Variants in COQ5 observed in about 807,000 individuals in gnomAD.
COQ5 encodes the protein coenzyme Q5, methyltransferase.
In COQ5, 27 loss-of-function variants were observed where a neutral mutation model predicts 40.5. The observed-to-expected ratio is 0.67, with a 90% CI of 0.49 to 0.92. The LOEUF (loss-of-function observed/expected upper bound fraction) is 0.92. Among genes scored for constraint, COQ5 ranks in the 40% least tolerant of loss-of-function variants. The probability of loss-of-function intolerance (pLI) is 0.00; values close to 1 mark genes in which losing one functional copy is unlikely to be tolerated. For missense variants in COQ5, 409 were observed against 406.4 expected, an observed-to-expected ratio of 1.01 and a Z score of -0.06; for synonymous variants, 141 against 150.0, an observed-to-expected ratio of 0.94 and a Z score of 0.44.
chr12:120,508,539 CAT>C (rs1275160061), intron 4 of COQ5, among the ~76,000 whole-genome samples: 1 of 151,780 alleles, frequency 6.6e-6, no homozygotes. Context: ...ACATGCAAAA[CAT>C]AGGAAAAAAA....
chr12:120,525,615 A>G (rs1869897860), intron 1 of COQ5, among the ~76,000 whole-genome samples: 1 of 152,058 alleles, frequency 6.6e-6, no homozygotes, highest in Admixed American at 6.6e-5. Context: ...CAGCATAGTG[A>G]GAACTTGTCT....
chr12:120,504,633 T>A (rs1868800452), intron 5 of COQ5: 1 of 454,482 alleles, frequency 2.2e-6, no homozygotes, highest in Non-Finnish European at 4.1e-6. Flanking sequence ...TAATAAGTTC[T>A]GATAACCCAC....
chr12:120,523,404 G>C, intron 1 of COQ5: 2 of 388,188 alleles, frequency 5.2e-6, no homozygotes, highest in South Asian at 4.3e-5. Flanking sequence ...GTGCCATTTC[G>C]GGACTGGCTG....
chr12:120,516,483 A>C (rs1045851364), intron 3 of COQ5, 84 bp downstream of exon 3: 7 of 1,183,844 alleles, frequency 5.9e-6, no homozygotes, highest in Non-Finnish European at 8.9e-6. Flanking sequence ...GCCAAAAGAT[A>C]AAGCATTTCA....
chr12:120,522,645 T>G, intron 1 of COQ5: 1 of 654,594 alleles, frequency 1.5e-6, no homozygotes, highest in East Asian at 2.5e-5. Context: ...GTCCTCACAT[T>G]GGCAGACAGA....
chr12:120,527,880 G>A (rs924500406), intron 1 of COQ5, among the ~76,000 whole-genome samples: 3 of 150,132 alleles, frequency 2.0e-5, no homozygotes, highest in Non-Finnish European at 3.0e-5. Context: ...CCAGCTACTC[G>A]GGAGGCTGAG....
At chr12:120,525,852 G>A (rs917731368) in intron 1 of COQ5, among the ~76,000 whole-genome samples, 2 of 152,082 alleles carry the variant, frequency 1.3e-5, no homozygotes, top group Non-Finnish European at 2.9e-5. Context: ...ATGAACCTGG[G>A]AGGCGGAGCT....
intron 2 of COQ5, among the ~76,000 whole-genome samples, chr12:120,520,299 T>G (rs910465436): frequency 1.4e-5 from 2 of 147,070 alleles, no homozygotes; most frequent in African/African-American, 5.1e-5. Flanking sequence ...GCCCGCCACC[T>G]TGCCGGCTAT....
chr12:120,528,945 C>A lies in COQ5; in HGVS notation c.197G>T (p.Gly66Val), dbSNP rs1435968377. 1 of 1,614,026 alleles carries A rather than the reference C, an allele frequency of 6.2e-7. No individual in the cohort carries two copies. The highest frequency in any genetic ancestry group is 1.7e-5 in the Admixed American group (1 of 60,014). Reference protein sequence around the residue: ...FETVSEEEKGGKVYQVFESVA... With the variant: ...FETVSEEEKGVKVYQVFESVA... Reference sequence around the variant, plus strand: ...CGCCCTCTCGCCCCTTTCACCTTTGCCCCCCTTCTCCTCTTCCGACACAGT... The same window carrying A: ...CGCCCTCTCGCCCCTTTCACCTTTGACCCCCTTCTCCTCTTCCGACACAGT... Residue 66 changes from glycine to valine, a missense_variant, in exon 1 of 7, where the codon GGC becomes GTC. Physicochemically the swap from Gly to Val is moderately radical, Grantham distance 109 (BLOSUM62 -3). Transcript: ENST00000288532.
Position 120,521,126 on chromosome 12 carries a change from T to C in COQ5, c.352+1088A>G, listed in dbSNP as rs556909635. On this transcript the variant is annotated intron_variant, in intron 2 of 6. Transcript: ENST00000288532. ...TGTTGCCCAGGCTGGAGTGTAATGG[T>C]ACGATCTCAGCTCACTGCAACCCTC... 2.9e-4 allele frequency among the ~76,000 whole-genome samples: 43 copies of C among 148,528 alleles called. No individual in the cohort carries two copies. In the South Asian group the frequency reaches 6.2e-3, roughly 22 times the overall value.
intron 3 of COQ5, among the ~76,000 whole-genome samples, chr12:120,512,852 G>A (rs1464645005): frequency 4.0e-5 from 6 of 151,686 alleles, no homozygotes; most frequent in South Asian, 2.1e-4. Context: ...GAGGCCAAGA[G>A]TTTGAGAGTA....
At chr12:120,511,256 C>CAAAAAA (rs33968461) in intron 3 of COQ5, among the ~76,000 whole-genome samples, 1 of 93,092 alleles carries the variant, frequency 1.1e-5, no homozygotes, top group Non-Finnish European at 2.1e-5. Flanking sequence ...GACTCTGTCT[C>CAAAAAA]AAAAAAAAAA....
chr12:120,525,812 C>A (rs974218995), intron 1 of COQ5, among the ~76,000 whole-genome samples: 1 of 151,932 alleles, frequency 6.6e-6, no homozygotes, highest in African/African-American at 2.4e-5. Context: ...GTAGTCCCAG[C>A]TACTCGGGAG....
intron 3 of COQ5, among the ~76,000 whole-genome samples, chr12:120,511,197 C>T (rs952350975): frequency 6.8e-6 from 1 of 147,760 alleles, no homozygotes; most frequent in Non-Finnish European, 1.5e-5. Flanking sequence ...GTGGAGGTTG[C>T]AGTGAGCTGA....
At position 120,503,760 on chromosome 12, in the gene COQ5, T is replaced by C. The variant is rs1210043279; in HGVS notation, c.*24A>G. The C allele has an allele frequency of 1.9e-6, 3 of 1,564,044 alleles. No homozygotes were observed. The highest frequency in any genetic ancestry group is 2.6e-6 in the Non-Finnish European group (3 of 1,134,450). On this transcript the variant is annotated 3_prime_UTR_variant, in exon 7 of 7. Coordinates refer to ENST00000288532, the MANE Select transcript of COQ5 (RefSeq NM_032314.4). Reference sequence around the variant, plus strand: ...AGGCTTTCAACAGGATATGACTGGTTCATGCTCCATGATAGGAAAGGAATT... The same window carrying C: ...AGGCTTTCAACAGGATATGACTGGTCCATGCTCCATGATAGGAAAGGAATT...
chr12:120,510,356 C>G (rs1869072957), intron 3 of COQ5, among the ~76,000 whole-genome samples: 1 of 152,070 alleles, frequency 6.6e-6, no homozygotes, highest in Non-Finnish European at 1.5e-5. Flanking sequence ...CTTTCTCACC[C>G]AGGCTGGAGT....
At chr12:120,523,918 G>A (rs1011049963) in intron 1 of COQ5, 40 of 422,152 alleles carry the variant, frequency 9.5e-5, no homozygotes, top group Non-Finnish European at 1.3e-4. Flanking sequence ...GTTGGGGCAG[G>A]AGAATCACTG....
Position 120,529,010 on chromosome 12 carries a change from G to GC in COQ5, c.131_132insG (p.Gln45ProfsTer13), listed in dbSNP as rs756226742. On this transcript the variant is annotated frameshift_variant, in exon 1 of 7. Transcript: ENST00000288532. LOFTEE classifies it high-confidence loss of function. ...GCGTTTCCGCTGCCCGCTTCTCTTG[G>GC]GACAAGAGCCGAGCACTTAGTAGGT... The GC allele has an allele frequency of 6.2e-7, 1 of 1,614,074 alleles. No homozygotes were observed. Among genetic ancestry groups the GC allele is most frequent in the African/African-American group, 1.3e-5 (1 of 75,006 alleles).
intron 1 of COQ5, chr12:120,522,647 G>A (rs920091482): frequency 1.2e-5 from 8 of 654,308 alleles, no homozygotes; most frequent in African/African-American, 1.8e-5. Flanking sequence ...CCTCACATTG[G>A]CAGACAGAGA....
Sources: allele counts gnomAD v4.1 joint callset (sites outside exome capture counted in the v4.1 genomes callset), GRCh38; gene constraint gnomAD v4.1.1; transcripts MANE v1.5; gene names NCBI Gene and HGNC (gene_info 2026-07-23, HGNC 2026-07-21).